Variants in ABCC2 observed in about 807,000 individuals in gnomAD.
ABCC2 encodes ATP binding cassette subfamily C member 2.
In ABCC2, 157 loss-of-function variants were observed where a neutral mutation model predicts 173.4. That is an observed-to-expected ratio of 0.91 (90% CI 0.80 to 1.03). ABCC2 has a LOEUF of 1.03. Among genes scored for constraint, ABCC2 ranks in the 50% least tolerant of loss-of-function variants. The pLI is 0.00. For missense variants in ABCC2, 1,822 were observed against 1,852.3 expected, an observed-to-expected ratio of 0.98 and a Z score of 0.30; for synonymous variants, 657 against 693.5, an observed-to-expected ratio of 0.95 and a Z score of 0.83.
At chr10:99,789,194 C>T (rs969719101) in intron 2 of ABCC2, 1 of 152,212 alleles carries the variant, frequency 6.6e-6, no homozygotes, top group African/African-American at 2.4e-5. Flanking sequence ...TAGTTTTACT[C>T]TGGGACTAGT....
Position 99,845,655 on chromosome 10 carries a change from A to G in ABCC2, c.4019A>G (p.Lys1340Arg), listed in dbSNP as rs751655956. The change falls in exon 29 of 32, where the codon AAG (lysine) becomes AGG (arginine). Residue 1340 changes from lysine (K) to arginine (R), a missense_variant. Physicochemically the swap from Lys to Arg is conservative, Grantham distance 26. Transcript: ENST00000647814. ...GTGGTGGGCAGGACAGGAGCTGGAAAGTCATCCCTCACAAACTGCCTCTTC... is the reference window on the plus strand; with the variant it reads ...GTGGTGGGCAGGACAGGAGCTGGAAGGTCATCCCTCACAAACTGCCTCTTC... ...IGVVGRTGAG[K>R]SSLTNCLFRI... The G allele has an allele frequency of 6.2e-7, 1 of 1,614,096 alleles. No homozygotes were observed. The highest frequency in any genetic ancestry group is 1.7e-5 in the Admixed American group (1 of 60,022).
In ABCC2 at chr10:99,814,270, TACACACGTATGTATAC is replaced by T. The variant is rs1332061232; in HGVS notation, c.2094+1148_2094+1163del. Among the ~76,000 whole-genome samples, 15 of 27,080 alleles carry T rather than the reference TACACACGTATGTATAC, an allele frequency of 5.5e-4. 5 individuals carry two copies. Among genetic ancestry groups the T allele is most frequent in the East Asian group, 5.5e-3 (2 of 364 alleles). 17.8% of individuals were successfully genotyped at this position (27,080 alleles called of 152,430 possible). ...ACACGTATGTATACACACGTATGTA[TACACACGTATGTATAC>T]ACACACGTATGTATACACACATGTA... On this transcript the variant is annotated intron_variant, in intron 16 of 31. Coordinates refer to ENST00000647814, the MANE Select transcript of ABCC2 (RefSeq NM_000392.5).
chr10:99,833,952 C>T (rs1440621199), intron 23 of ABCC2, among the ~76,000 whole-genome samples: 4 of 152,162 alleles, frequency 2.6e-5, no homozygotes, highest in East Asian at 3.8e-4. Context: ...CATCTGTTCC[C>T]GCTGGGTTCC....
intron 19 of ABCC2, among the ~76,000 whole-genome samples, chr10:99,821,137 G>A (rs1349162228): frequency 6.6e-6 from 1 of 152,218 alleles, no homozygotes; most frequent in African/African-American, 2.4e-5. Flanking sequence ...AAAGGATTAA[G>A]TGCTGTGCTT....
At chr10:99,799,406 C>A in intron 8 of ABCC2, 36 bp downstream of exon 8, 2 of 1,612,070 alleles carry the variant, frequency 1.2e-6, no homozygotes, top group Non-Finnish European at 8.5e-7. Flanking sequence ...CTTTCAGGGC[C>A]TCCTCTGCCA....
intron 16 of ABCC2, among the ~76,000 whole-genome samples, chr10:99,814,378 C>CACGTATGCATACACACATGTAT (rs1564684750): frequency 0.011 from 275 of 24,126 alleles, 16 homozygotes; most frequent in African/African-American, 0.032. Flanking sequence ...TATATATACA[C>CACGTATGCATACACACATGTAT]ATATATACAT....
intron 10 of ABCC2, among the ~76,000 whole-genome samples, chr10:99,805,039 G>A (rs1193736431): frequency 3.3e-5 from 5 of 152,192 alleles, no homozygotes; most frequent in Admixed American, 3.3e-4. Flanking sequence ...AGGCCTCTTG[G>A]GGAGTGGACA....
intron 26 of ABCC2, among the ~76,000 whole-genome samples, chr10:99,843,113 A>C (rs572196664): frequency 6.6e-6 from 1 of 151,716 alleles, no homozygotes; most frequent in South Asian, 2.1e-4. Flanking sequence ...ACCTAAAAGG[A>C]CTTTGTTATT....
intron 25 of ABCC2, among the ~76,000 whole-genome samples, chr10:99,840,367 C>T (rs1402685079): frequency 6.9e-6 from 1 of 144,950 alleles, no homozygotes; most frequent in African/African-American, 2.5e-5. Flanking sequence ...CGCAGCGCAG[C>T]CGCGCCAACC....
rs940569015 is a variant in ABCC2, at chr10:99,805,246, G to A, written c.1465-136G>A. ...GGCAAAGAGGAGAGTGGAGGGAGGT[G>A]AATCCCATCACTGGGCACCTCAAGT... On this transcript the variant is annotated intron_variant, in intron 10 of 31. Transcript: ENST00000647814. The A allele has an allele frequency of 6.9e-6, 5 of 721,370 alleles. No homozygotes were observed. In the East Asian group the frequency reaches 1.4e-4, roughly 20 times the overall value. 44.7% of individuals were successfully genotyped at this position (721,370 alleles called of 1,614,324 possible).
intron 13 of ABCC2, among the ~76,000 whole-genome samples, chr10:99,809,068 G>A (rs2038164625): frequency 6.6e-6 from 1 of 152,042 alleles, no homozygotes; most frequent in South Asian, 2.1e-4. Flanking sequence ...AATCAAAAAG[G>A]GTCAGATGGT....
chr10:99,840,273 GC>G (rs2038913587), intron 25 of ABCC2, among the ~76,000 whole-genome samples: 1 of 139,474 alleles, frequency 7.2e-6, no homozygotes, highest in South Asian at 2.3e-4. Context: ...GCGGTCGGTC[GC>G]GGCAGCGGCT....
chr10:99,825,646 A>G (rs2038624764), intron 19 of ABCC2, among the ~76,000 whole-genome samples: 2 of 152,228 alleles, frequency 1.3e-5, no homozygotes, highest in African/African-American at 2.4e-5. Context: ...TTTCGCCTTT[A>G]TAGTCTGAAT....
chr10:99,832,070 G>A lies in ABCC2; in HGVS notation c.3197G>A (p.Arg1066Gln), dbSNP rs768051811. 1.1e-5 allele frequency: 18 copies of A among 1,613,956 alleles called. No individual in the cohort carries two copies. The East Asian group carries it at 1.3e-4, about 12-fold the overall frequency. ...AAGCAACTGCTGAACAATATCCTTCGAGCACCTATGAGATTTTTTGACACA... is the reference window on the plus strand; with the variant it reads ...AAGCAACTGCTGAACAATATCCTTCAAGCACCTATGAGATTTTTTGACACA... ...LHKQLLNNIL[R>Q]APMRFFDTTP... Residue 1066 changes from arginine (R) to glutamine (Q), a missense_variant, in exon 23 of 32, where the codon CGA becomes CAA. Coordinates refer to ENST00000647814, the MANE Select transcript of ABCC2 (RefSeq NM_000392.5).
chr10:99,831,650 GGATT>G lies in ABCC2; in HGVS notation c.2925_2928del (p.Leu976PhefsTer11). 1 of 1,614,150 alleles carries G rather than the reference GGATT, an allele frequency of 6.2e-7. No individual in the cohort carries two copies. The highest frequency in any genetic ancestry group is 1.1e-5 in the South Asian group (1 of 91,082). ...CTACCTGGAGTACCTACAAGCAATA[GGATT>G]GTTTTCGATATTCTTCATCATCCTT... On this transcript the variant is annotated frameshift_variant, in exon 22 of 32. Coordinates refer to ENST00000647814, the MANE Select transcript of ABCC2 (RefSeq NM_000392.5). LOFTEE classifies it high-confidence loss of function.
In ABCC2 at chr10:99,807,463, T is replaced by C. The variant is rs1564679059; in HGVS notation, c.1610T>C (p.Leu537Pro). ...NLRKKELKNL[L>P]AFSQLQCVVI... Reference sequence around the variant, plus strand: ...CGGAAGAAAGAGCTCAAGAACCTGCTGGCCTTTAGTCAACTACAGTGTGTA... The same window carrying C: ...CGGAAGAAAGAGCTCAAGAACCTGCCGGCCTTTAGTCAACTACAGTGTGTA... Residue 537 changes from leucine to proline, a missense_variant, in exon 12 of 32, where the codon CTG becomes CCG. Coordinates refer to ENST00000647814, the MANE Select transcript of ABCC2 (RefSeq NM_000392.5). 6.2e-7 allele frequency: 1 copy of C among 1,614,162 alleles called. No individual in the cohort carries two copies.
At chr10:99,819,329 T>C (rs2038488524) in intron 19 of ABCC2, 60 bp downstream of exon 19, 4 of 1,504,878 alleles carry the variant, frequency 2.7e-6, no homozygotes, top group South Asian at 2.3e-5. Flanking sequence ...GGTAAATCAA[T>C]ATCTAATTCC....
intron 19 of ABCC2, among the ~76,000 whole-genome samples, chr10:99,826,282 C>T (rs2038636951): frequency 6.6e-6 from 1 of 152,164 alleles, no homozygotes; most frequent in Non-Finnish European, 1.5e-5. Context: ...CCATCACAGG[C>T]TTTTACATAT....
intron 19 of ABCC2, among the ~76,000 whole-genome samples, chr10:99,828,692 C>A (rs1026041531): frequency 6.6e-6 from 1 of 152,096 alleles, no homozygotes; most frequent in Non-Finnish European, 1.5e-5. Context: ...GCTTAGTGGT[C>A]AGCTAGTGAT....
Sources: allele counts gnomAD v4.1 joint callset (sites outside exome capture counted in the v4.1 genomes callset), GRCh38; gene constraint gnomAD v4.1.1; transcripts MANE v1.5; gene names NCBI Gene and HGNC (gene_info 2026-07-23, HGNC 2026-07-21).